Variants in SEPTIN9 observed in about 807,000 individuals in gnomAD.
The protein encoded by SEPTIN9 is septin 9, also known as septin-9.
SEPTIN9 carries 13 observed loss-of-function variants against 56.6 expected under a neutral mutation model. That is an observed-to-expected ratio of 0.23 (90% confidence interval 0.15 to 0.37). The LOEUF is 0.37. SEPTIN9 is among the 10% of genes least tolerant of loss of function. SEPTIN9 has a pLI of 1.00. For synonymous variants in SEPTIN9, 332 were observed against 334.1 expected (o/e 0.99, Z 0.07); for missense variants, 650 against 823.1 (o/e 0.79, Z 2.57).
intron 3 of SEPTIN9, among the ~76,000 whole-genome samples, chr17:77,474,388 G>A (rs933932112): frequency 5.3e-5 from 8 of 152,230 alleles, no homozygotes; most frequent in Non-Finnish European, 1.0e-4. Flanking sequence ...CATCTTTCTT[G>A]CAAGGGAAGT....
intron 2 of SEPTIN9, among the ~76,000 whole-genome samples, chr17:77,353,411 G>A (rs898476648): frequency 6.6e-6 from 1 of 152,172 alleles, no homozygotes; most frequent in Non-Finnish European, 1.5e-5. Context: ...TTTACAGAAA[G>A]AGGTGTTTTT....
chr17:77,417,280 G>T (rs566743201), intron 3 of SEPTIN9, among the ~76,000 whole-genome samples: 8 of 152,342 alleles, frequency 5.3e-5, no homozygotes, highest in African/African-American at 1.7e-4. Context: ...TGTGTGCCTT[G>T]TGTGTCTCCA....
rs9907169 is a variant in SEPTIN9 at position 77,440,637 on chromosome 17, C to T, written c.721+37934C>T. ...TCCCTTCCTCTTGGCTCCCTGCTGC[C>T]CACGCTCCCACAGAAGCAGGGAGAA... is the stretch of plus-strand genomic sequence containing the variant. On this transcript the variant is annotated intron_variant, in intron 3 of 11. Transcript: ENST00000427177. Among the ~76,000 whole-genome samples, 148 of 152,344 alleles carry T rather than the reference C, an allele frequency of 9.7e-4. No homozygotes were observed. The Middle Eastern group carries it at 0.017, about 18-fold the overall frequency.
chr17:77,331,360 T>A (rs2033345995), intron 2 of SEPTIN9, among the ~76,000 whole-genome samples: 1 of 151,366 alleles, frequency 6.6e-6, no homozygotes, highest in African/African-American at 2.4e-5. Context: ...CCTCCTGGAA[T>A]GGGTGGTCTT....
rs1309155630 is a variant in SEPTIN9 at position 77,435,813 on chromosome 17, C to T, written c.721+33110C>T. On this transcript the variant is annotated intron_variant, in intron 3 of 11. Transcript: ENST00000427177. The surrounding 1 kb of genome is among the most constrained non-coding windows in gnomAD (Gnocchi z 4.5). ...TCCCAGGACAGTGTGAATGCAGCAGCGCAAGCTTGCCAGCGCCGCACTGCG... is the reference window on the plus strand; with the variant it reads ...TCCCAGGACAGTGTGAATGCAGCAGTGCAAGCTTGCCAGCGCCGCACTGCG... Among the ~76,000 whole-genome samples the T allele has an allele frequency of 2.0e-5, 3 of 152,238 alleles. No individual in the cohort carries two copies. Among genetic ancestry groups the T allele is most frequent in the Non-Finnish European group, 2.9e-5 (2 of 68,040 alleles).
chr17:77,337,050 G>A (rs1189283109), intron 2 of SEPTIN9, among the ~76,000 whole-genome samples: 2 of 139,844 alleles, frequency 1.4e-5, no homozygotes, highest in East Asian at 2.1e-4. Flanking sequence ...TGCCCAGGCT[G>A]TAGCACAGTG....
chr17:77,406,660 T>G (rs2411112), intron 3 of SEPTIN9, among the ~76,000 whole-genome samples: 48,954 of 150,324 alleles, frequency 0.33, 8,670 homozygotes, highest in Non-Finnish European at 0.4. Context: ...TTGTTTTTTT[T>G]TGTGTTTTTT....
intron 10 of SEPTIN9, among the ~76,000 whole-genome samples, chr17:77,493,532 C>G (rs1299592910): frequency 6.6e-6 from 1 of 152,150 alleles, no homozygotes; most frequent in East Asian, 1.9e-4. Flanking sequence ...CCAATTAGCA[C>G]AAACGAGGGG....
chr17:77,341,381 C>G (rs949271913), intron 2 of SEPTIN9, among the ~76,000 whole-genome samples: 1 of 152,194 alleles, frequency 6.6e-6, no homozygotes, highest in Non-Finnish European at 1.5e-5. Context: ...AACAGCCAGT[C>G]AGTGGAGCAG....
At chr17:77,333,920 G>A (rs1238090962) in intron 2 of SEPTIN9, among the ~76,000 whole-genome samples, 3 of 52,076 alleles carry the variant, frequency 5.8e-5, no homozygotes, top group South Asian at 9.5e-4. Context: ...ATCTGTCCAC[G>A]TCTTACTTCT....
At chr17:77,406,210 T>C (rs1301228231) in intron 3 of SEPTIN9, among the ~76,000 whole-genome samples, 1 of 152,202 alleles carries the variant, frequency 6.6e-6, no homozygotes, top group African/African-American at 2.4e-5. Flanking sequence ...GTTGATTCAC[T>C]CTCCTGCTCA....
At chr17:77,390,537 C>T (rs573135863) in intron 2 of SEPTIN9, among the ~76,000 whole-genome samples, 2,062 of 147,930 alleles carry the variant, frequency 0.014, 34 homozygotes, top group African/African-American at 0.049. Context: ...CTGCAAGCTC[C>T]GCCTCCCGGG....
At chr17:77,286,915 C>G (rs1174660062) in intron 1 of SEPTIN9, among the ~76,000 whole-genome samples, 1 of 152,184 alleles carries the variant, frequency 6.6e-6, no homozygotes, top group East Asian at 1.9e-4. Context: ...AAGTGACGCG[C>G]TGGGTTCCTG....
intron 3 of SEPTIN9, among the ~76,000 whole-genome samples, chr17:77,431,830 CAAAAAAA>C (rs61461406): frequency 2.7e-4 from 15 of 55,252 alleles, no homozygotes; most frequent in South Asian, 1.2e-3. Context: ...AATGCTGTCT[CAAAAAAA>C]AAAAAAAAAA....
intron 2 of SEPTIN9, among the ~76,000 whole-genome samples, chr17:77,332,713 A>G (rs1221225798): frequency 6.6e-6 from 1 of 152,106 alleles, no homozygotes; most frequent in Non-Finnish European, 1.5e-5. Flanking sequence ...CCCCAGGGCA[A>G]CCACAATTGT....
intron 2 of SEPTIN9, among the ~76,000 whole-genome samples, chr17:77,338,599 A>G (rs1042403233): frequency 2.0e-5 from 3 of 152,070 alleles, no homozygotes; most frequent in African/African-American, 7.2e-5. Flanking sequence ...TTGTATTTTT[A>G]GTAGAGACAG....
chr17:77,458,022 AG>A (rs2038292481), intron 3 of SEPTIN9, among the ~76,000 whole-genome samples: 1 of 152,278 alleles, frequency 6.6e-6, no homozygotes, highest in African/African-American at 2.4e-5. Flanking sequence ...CTCACCCTGA[AG>A]GGGGGCTGGA....
At chr17:77,306,972 G>A (rs567005243) in intron 1 of SEPTIN9, among the ~76,000 whole-genome samples, 169 bp from the exon 2 acceptor site, 97 of 152,324 alleles carry the variant, frequency 6.4e-4, no homozygotes, top group African/African-American at 2.1e-3. Context: ...TCCCTCCAGC[G>A]TCCAGGGTTA....
chr17:77,355,783 C>T (rs1390690179), intron 2 of SEPTIN9, among the ~76,000 whole-genome samples: 3 of 151,948 alleles, frequency 2.0e-5, no homozygotes, highest in East Asian at 1.9e-4. Flanking sequence ...GAGATCGAGA[C>T]CATCCTGGCT....
Sources: allele counts gnomAD v4.1 joint callset (sites outside exome capture counted in the v4.1 genomes callset), GRCh38; gene constraint gnomAD v4.1.1; non-coding constraint Gnocchi (gnomAD v3.1); transcripts MANE v1.5; gene names NCBI Gene and HGNC (gene_info 2026-07-23, HGNC 2026-07-21).